Variants in PAM observed in about 807,000 individuals in gnomAD.
The protein encoded by PAM is peptidyl-glycine alpha-amidating monooxygenase.
Under a neutral mutation model 122.1 loss-of-function variants are expected in PAM, and 72 were observed. The observed-to-expected ratio is 0.59, with a 90% CI of 0.49 to 0.72. The LOEUF (loss-of-function observed/expected upper bound fraction) is 0.72. Ranked by LOEUF, PAM falls within the 30% of genes least tolerant of loss-of-function variation. The pLI, the probability that PAM is intolerant of heterozygous loss-of-function variation, is 0.00. For missense variants in PAM, 1,106 were observed against 1,183.7 expected (o/e 0.93, Z 0.96); for synonymous variants, 389 against 404.4 (o/e 0.96, Z 0.46).
At chr5:102,911,266 G>A (rs899412960) in intron 4 of PAM, among the ~76,000 whole-genome samples, 2 of 151,898 alleles carry the variant, frequency 1.3e-5, no homozygotes, top group African/African-American at 2.4e-5. Context: ...TGTTTTTGCT[G>A]TGTACTTCTA....
chr5:102,871,701 A>C (rs112741461), intron 3 of PAM, among the ~76,000 whole-genome samples: 1 of 146,976 alleles, frequency 6.8e-6, no homozygotes, highest in Non-Finnish European at 1.5e-5. Flanking sequence ...TATATATATA[A>C]AATATATATA....
intron 5 of PAM, among the ~76,000 whole-genome samples, chr5:102,923,874 C>G (rs184565173): frequency 7.9e-5 from 12 of 152,264 alleles, no homozygotes; most frequent in Non-Finnish European, 1.6e-4. Flanking sequence ...TCTCTGTCAA[C>G]AGTGAATCTT....
chr5:102,813,868 A>G (rs1209144324), intron 1 of PAM, among the ~76,000 whole-genome samples: 2 of 152,216 alleles, frequency 1.3e-5, no homozygotes, highest in Non-Finnish European at 1.5e-5. Flanking sequence ...CTTAAAGGGC[A>G]TGAAGCCATA....
At chr5:102,765,690 A>T (rs1019116424) in intron 1 of PAM, among the ~76,000 whole-genome samples, 1 of 152,216 alleles carries the variant, frequency 6.6e-6, no homozygotes, top group African/African-American at 2.4e-5. Flanking sequence ...GTATATTGGC[A>T]GGGTTGGTTC....
At chr5:102,930,002 C>A (rs1363541000) in intron 7 of PAM, among the ~76,000 whole-genome samples, 1 of 152,028 alleles carries the variant, frequency 6.6e-6, no homozygotes, top group African/African-American at 2.4e-5. Context: ...AGACTGTGAT[C>A]TTCCTTAGTA....
At chr5:102,993,506 TTTC>T (rs746753961) in intron 16 of PAM, among the ~76,000 whole-genome samples, 1 of 152,164 alleles carries the variant, frequency 6.6e-6, no homozygotes, top group African/African-American at 2.4e-5. Flanking sequence ...AGAAGTTGTA[TTTC>T]TTATTTCATT....
chr5:102,806,780 G>A (rs1189811081), intron 1 of PAM, among the ~76,000 whole-genome samples: 1 of 152,112 alleles, frequency 6.6e-6, no homozygotes, highest in Non-Finnish European at 1.5e-5. Flanking sequence ...TGACTTTACT[G>A]TTTTGCTTTC....
In PAM at chr5:102,959,819, T is replaced by C; in HGVS notation, c.906-56T>C. ...ATCTAAGGGCTTCATTTTTCTTGCA[T>C]TAAGCATGTGTTTTATGTGAATAGT... On this transcript the variant is annotated intron_variant, in intron 12 of 25. Coordinates refer to ENST00000438793, the MANE Select transcript of PAM (RefSeq NM_001177306.2). The C allele has an allele frequency of 2.5e-6, 3 of 1,196,158 alleles. No homozygotes were observed. The South Asian group carries it at 3.9e-5, about 16-fold the overall frequency. 74.1% of individuals were successfully genotyped at this position (1,196,158 alleles called of 1,614,324 possible). A position where few individuals can be genotyped will look rare whatever the true frequency, so the allele number is the denominator to read the frequency against.
In PAM at chr5:102,949,520, GT is replaced by G; in HGVS notation, c.644-13del. 1.5e-6 allele frequency: 2 copies of G among 1,293,040 alleles called. No homozygotes were observed. Among genetic ancestry groups the G allele is most frequent in the Non-Finnish European group, 2.3e-6 (2 of 887,434 alleles). 80.1% of individuals were successfully genotyped at this position (1,293,040 alleles called of 1,614,324 possible). ...CAGTTGAATAGTGACTTTTGTCTGT[GT>G]TTTCATTTCCCACAGTGGTGAATTC... On this transcript the variant is annotated splice_polypyrimidine_tract_variant and intron_variant, in intron 9 of 25. Transcript: ENST00000438793.
chr5:102,908,484 G>A (rs191153050), intron 4 of PAM, among the ~76,000 whole-genome samples: 270 of 149,638 alleles, frequency 1.8e-3, no homozygotes, highest in Non-Finnish European at 3.5e-3. Context: ...ATGAACCACC[G>A]CATATTCTCA....
At chr5:102,925,991 C>T (rs1332822838) in intron 6 of PAM, among the ~76,000 whole-genome samples, 1 of 152,028 alleles carries the variant, frequency 6.6e-6, no homozygotes, top group African/African-American at 2.4e-5. Flanking sequence ...AAAAGTAATG[C>T]CACTTAAATG....
intron 1 of PAM, among the ~76,000 whole-genome samples, chr5:102,767,968 G>A (rs1487999559): frequency 2.0e-5 from 3 of 152,040 alleles, no homozygotes; most frequent in African/African-American, 7.2e-5. Flanking sequence ...TCTGGCTTGG[G>A]GACCTGTGTC....
intron 18 of PAM, among the ~76,000 whole-genome samples, chr5:103,005,907 CTT>C (rs918324249): frequency 4.0e-5 from 6 of 150,912 alleles, no homozygotes; most frequent in African/African-American, 1.5e-4. Flanking sequence ...CTGTTCCTAA[CTT>C]GTTGTTGTTG....
intron 15 of PAM, among the ~76,000 whole-genome samples, chr5:102,977,388 G>A (rs1582446520): frequency 1.3e-5 from 2 of 152,028 alleles, no homozygotes; most frequent in African/African-American, 2.4e-5. Flanking sequence ...AGTCCTTATC[G>A]TTCCCCAGAA....
chr5:102,952,792 A>G (rs909982567), intron 12 of PAM, among the ~76,000 whole-genome samples: 3 of 152,190 alleles, frequency 2.0e-5, no homozygotes, highest in Non-Finnish European at 4.4e-5. Flanking sequence ...GAAATAAACT[A>G]GTAATTTATG....
chr5:102,955,146 G>A (rs1281190070), intron 12 of PAM, among the ~76,000 whole-genome samples: 1 of 152,042 alleles, frequency 6.6e-6, no homozygotes, highest in Admixed American at 6.6e-5. Flanking sequence ...GGGTAGAGGT[G>A]AAGAATTCTT....
rs540706362 is a variant in PAM at position 102,843,359 on chromosome 5, T to G, written c.-373-22464T>G. 6.6e-5 allele frequency among the ~76,000 whole-genome samples: 10 copies of G among 152,196 alleles called. No individual in the cohort carries two copies. In the South Asian group the frequency reaches 2.1e-3, roughly 32 times the overall value. On this transcript the variant is annotated intron_variant, in intron 1 of 25. Transcript: ENST00000438793. ...AGAACTTCAACCCAGCCTCAGCTTA[T>G]ACAAAAACGAACACAAAATAGATCA...
intron 1 of PAM, among the ~76,000 whole-genome samples, chr5:102,859,814 A>G (rs774803061): frequency 6.6e-6 from 1 of 152,072 alleles, no homozygotes; most frequent in Non-Finnish European, 1.5e-5. Context: ...TACCTTTTCT[A>G]TGTTTAGATA....
chr5:102,827,031 T>A (rs1773860137), intron 1 of PAM, among the ~76,000 whole-genome samples: 1 of 152,206 alleles, frequency 6.6e-6, no homozygotes, highest in Non-Finnish European at 1.5e-5. Flanking sequence ...GTATATTTGT[T>A]GATATTTAAA....
Sources: allele counts gnomAD v4.1 joint callset (sites outside exome capture counted in the v4.1 genomes callset), GRCh38; gene constraint gnomAD v4.1.1; transcripts MANE v1.5; gene names NCBI Gene and HGNC (gene_info 2026-07-23, HGNC 2026-07-21).